Variants in RFTN2 observed in about 807,000 individuals in gnomAD.
The protein encoded by RFTN2 is raftlin family member 2, also known as raftlin-2.
RFTN2 carries 34 observed loss-of-function variants against 52.7 expected under a neutral mutation model. That is an observed-to-expected ratio of 0.64 (90% CI 0.49 to 0.86). The LOEUF (loss-of-function observed/expected upper bound fraction) is 0.86. Ranked by LOEUF, RFTN2 falls within the 40% of genes least tolerant of loss-of-function variation. The pLI, the probability that RFTN2 is intolerant of heterozygous loss-of-function variation, is 0.00. For synonymous variants in RFTN2, 203 were observed against 217.7 expected (o/e 0.93, Z 0.59); for missense variants, 536 against 600.1 (o/e 0.89, Z 1.12).
At chr2:197,673,374 T>C (rs2089173158) in intron 1 of RFTN2, among the ~76,000 whole-genome samples, 1 of 152,020 alleles carries the variant, frequency 6.6e-6, no homozygotes, top group African/African-American at 2.4e-5. Context: ...TGGAAGGTAG[T>C]TTGCGGAGTT....
chr2:197,663,556 A>G (rs2089007973), intron 1 of RFTN2, among the ~76,000 whole-genome samples: 1 of 152,160 alleles, frequency 6.6e-6, no homozygotes, highest in Non-Finnish European at 1.5e-5. Flanking sequence ...CAATTTTGGT[A>G]GGTTGTATGT....
intron 8 of RFTN2, among the ~76,000 whole-genome samples, chr2:197,592,838 AT>A (rs937723421): frequency 1.5e-4 from 23 of 152,376 alleles, no homozygotes; most frequent in African/African-American, 5.5e-4. Context: ...TTGGTAATAA[AT>A]TAACTCTATA....
Position 197,644,165 on chromosome 2 carries a change from A to G in RFTN2, c.431T>C (p.Ile144Thr), listed in dbSNP as rs755257391. Reference protein sequence around the residue: ...AQTNDAAKELIEKINVAAKRG... With the variant: ...AQTNDAAKELTEKINVAAKRG... ...AGTGCATAAATTTAGTACCTTTTCT[A>G]TCAGTTCTTTTGCTGCGTCATTTGT... Residue 144 changes from isoleucine (I) to threonine (T), a missense_variant, in exon 3 of 9, where the codon ATA becomes ACA. Transcript: ENST00000295049. 6.3e-7 allele frequency: 1 copy of G among 1,584,310 alleles called. No homozygotes were observed. The highest frequency in any genetic ancestry group is 1.1e-5 in the South Asian group (1 of 90,458).
chr2:197,589,432 C>A, intron 8 of RFTN2, among the ~76,000 whole-genome samples: 1 of 152,118 alleles, frequency 6.6e-6, no homozygotes, highest in East Asian at 1.9e-4. Flanking sequence ...TTATCAGCTG[C>A]GTGAAAACGG....
At chr2:197,649,396 G>C (rs2088796030) in intron 1 of RFTN2, among the ~76,000 whole-genome samples, 1 of 152,206 alleles carries the variant, frequency 6.6e-6, no homozygotes, top group Admixed American at 6.5e-5. Context: ...AAAATACTTA[G>C]AGGTGGAGCT....
At position 197,641,299 on chromosome 2, in the gene RFTN2, C is replaced by A. The variant is rs954346158; in HGVS notation, c.438+2859G>T. On this transcript the variant is annotated intron_variant, in intron 3 of 8. Coordinates refer to ENST00000295049, the MANE Select transcript of RFTN2 (RefSeq NM_144629.3). ...AGAGTGTGGGTGTGTGGAGCTAGGA[C>A]AAGGGACTGGAGCTGGTGAAACAGC... 1.3e-4 allele frequency among the ~76,000 whole-genome samples: 20 copies of A among 152,122 alleles called. 1 individual carries two copies. The highest frequency in any genetic ancestry group is 4.6e-4 in the African/African-American group (19 of 41,412).
At chr2:197,667,644 G>T (rs569252780) in intron 1 of RFTN2, among the ~76,000 whole-genome samples, 128 of 152,276 alleles carry the variant, frequency 8.4e-4, no homozygotes, top group African/African-American at 2.9e-3. Flanking sequence ...GGATGCTTTG[G>T]TTTTGATTCT....
chr2:197,643,344 C>T (rs377601391), intron 3 of RFTN2, among the ~76,000 whole-genome samples: 5 of 152,128 alleles, frequency 3.3e-5, no homozygotes, highest in Non-Finnish European at 5.9e-5. Flanking sequence ...CCTCCTGCCT[C>T]GGCCTCCAAA....
Position 197,633,619 on chromosome 2 carries a change from T to G in RFTN2, c.718+99A>C, listed in dbSNP as rs2088500997. The G allele has an allele frequency of 7.8e-6, 7 of 901,058 alleles. No homozygotes were observed. The South Asian group carries it at 1.2e-4, about 15-fold the overall frequency. 55.8% of individuals were successfully genotyped at this position (901,058 alleles called of 1,614,324 possible). A position where few individuals can be genotyped will look rare whatever the true frequency, so the allele number is the denominator to read the frequency against. On this transcript the variant is annotated intron_variant, in intron 4 of 8. Coordinates refer to ENST00000295049, the MANE Select transcript of RFTN2 (RefSeq NM_144629.3). The stretch of plus-strand genomic sequence containing the variant: ...ATTAGTTCATTTAGTCATTATAATC[T>G]TTAGCAATTTACTTTGACTCATATT...
chr2:197,642,899 A>C (rs2088694874), intron 3 of RFTN2, among the ~76,000 whole-genome samples: 1 of 152,164 alleles, frequency 6.6e-6, no homozygotes, highest in African/African-American at 2.4e-5. Flanking sequence ...GAATTGCTTG[A>C]GTTCAAGAGT....
intron 7 of RFTN2, among the ~76,000 whole-genome samples, chr2:197,601,644 T>C (rs2087882885): frequency 1.3e-5 from 2 of 152,088 alleles, no homozygotes; most frequent in Non-Finnish European, 2.9e-5. Context: ...TTAGTTTAAT[T>C]CTATTCTGAC....
chr2:197,574,446 C>T (rs1345185106), intron 8 of RFTN2, among the ~76,000 whole-genome samples: 1 of 152,176 alleles, frequency 6.6e-6, no homozygotes, highest in African/African-American at 2.4e-5. Context: ...TTACCCAATG[C>T]CTGTACCCCC....
chr2:197,581,570 C>A (rs2087510976), intron 8 of RFTN2, among the ~76,000 whole-genome samples: 1 of 152,124 alleles, frequency 6.6e-6, no homozygotes, highest in Non-Finnish European at 1.5e-5. Flanking sequence ...TATCGATGAC[C>A]TTCTACTTTG....
At position 197,568,595 on chromosome 2, in the gene RFTN2, TATA is replaced by T. The variant is rs1454711335; in HGVS notation, c.*3410_*3412del. On this transcript the variant is annotated 3_prime_UTR_variant, in exon 9 of 9. Transcript: ENST00000295049. ...CTATGTATCCACTAGTACATTTTTA[TATA>T]ATGTGTTCTTAGTTATATACTATCC... The T allele has an allele frequency of 6.6e-6, 1 of 152,270 alleles. No homozygotes were observed. Among genetic ancestry groups the T allele is most frequent in the Admixed American group, 6.5e-5 (1 of 15,286 alleles). 9.4% of individuals were successfully genotyped at this position (152,270 alleles called of 1,614,324 possible). A position where few individuals can be genotyped will look rare whatever the true frequency, so the allele number is the denominator to read the frequency against.
At chr2:197,648,125 G>A (rs13413470) in intron 1 of RFTN2, among the ~76,000 whole-genome samples, 74,987 of 152,002 alleles carry the variant, frequency 0.49, 19,168 homozygotes, top group African/African-American at 0.59. Context: ...GCGGCTGATT[G>A]CCTGAGCACA....
intron 8 of RFTN2, among the ~76,000 whole-genome samples, chr2:197,584,788 C>T (rs1296742786): frequency 6.6e-6 from 1 of 152,158 alleles, no homozygotes; most frequent in Non-Finnish European, 1.5e-5. Context: ...TGCTCAGCCC[C>T]AACCTCATCC....
intron 8 of RFTN2, among the ~76,000 whole-genome samples, chr2:197,578,106 G>A (rs1156706463): frequency 3.3e-5 from 5 of 152,068 alleles, no homozygotes; most frequent in Non-Finnish European, 7.4e-5. Context: ...GGGCTTCCTG[G>A]GTCTTGCCTT....
chr2:197,661,510 T>C (rs1390165447), intron 1 of RFTN2, among the ~76,000 whole-genome samples: 1 of 152,182 alleles, frequency 6.6e-6, no homozygotes, highest in Non-Finnish European at 1.5e-5. Context: ...CATGTACATA[T>C]GTATCATCTT....
At chr2:197,634,705 T>A (rs1277734100) in intron 3 of RFTN2, among the ~76,000 whole-genome samples, 2 of 148,546 alleles carry the variant, frequency 1.3e-5, no homozygotes, top group African/African-American at 5.0e-5. Flanking sequence ...TTTTATTTTT[T>A]TTTTATTTTT....
Sources: gnomAD v4.1 joint callset for allele counts (sites outside exome capture counted in the v4.1 genomes callset) on GRCh38, gnomAD v4.1.1 for gene constraint, MANE v1.5 for transcripts, NCBI Gene and HGNC (gene_info 2026-07-23, HGNC 2026-07-21) for gene names.